TFPI: variants seen among roughly 807,000 people sequenced by gnomAD.
The protein encoded by TFPI is tissue factor pathway inhibitor, also known as anti-convertin.
A neutral mutation model predicts 34.6 loss-of-function variants in TFPI; 15 were observed. The observed-to-expected ratio is 0.43, with a 90% CI of 0.29 to 0.67. TFPI has a LOEUF of 0.67. Ranked by LOEUF, TFPI falls within the 30% of genes least tolerant of loss-of-function variation. The probability of loss-of-function intolerance (pLI) is 0.15; values close to 1 mark genes in which losing one functional copy is unlikely to be tolerated. For missense variants in TFPI, 301 were observed against 364.0 expected, an observed-to-expected ratio of 0.83 and a Z score of 1.41; for synonymous variants, 105 against 120.1, an observed-to-expected ratio of 0.87 and a Z score of 0.82.
intron 1 of TFPI, among the ~76,000 whole-genome samples, chr2:187,537,664 G>A (rs1474837613): frequency 1.3e-5 from 2 of 152,168 alleles, no homozygotes; most frequent in African/African-American, 4.8e-5. Flanking sequence ...ATACCATTCA[G>A]GACATAGGCA....
intron 1 of TFPI, among the ~76,000 whole-genome samples, chr2:187,525,282 A>G (rs867072851): frequency 1.7e-4 from 26 of 152,134 alleles, no homozygotes; most frequent in African/African-American, 6.3e-4. Context: ...TAACTCTGTG[A>G]GTCCAGAATT....
In TFPI at chr2:187,466,942, A is replaced by AT; in HGVS notation, c.908dup (p.Asn303LysfsTer7). On this transcript the variant is annotated frameshift_variant, in exon 8 of 8. Transcript: ENST00000233156. LOFTEE classifies it high-confidence loss of function. ...TTACATTGCTATAACAAATTCACATATTTTTAACAAAAATTTCTTCATATG... is the reference window on the plus strand; with the variant it reads ...TTACATTGCTATAACAAATTCACATATTTTTTAACAAAAATTTCTTCATATG... 6.6e-7 allele frequency: 1 copy of AT among 1,523,862 alleles called. No homozygotes were observed. Among genetic ancestry groups the AT allele is most frequent in the African/African-American group, 1.4e-5 (1 of 72,674 alleles). 94.4% of individuals were successfully genotyped at this position (1,523,862 alleles called of 1,614,324 possible). A position where few individuals can be genotyped will look rare whatever the true frequency, so the allele number is the denominator to read the frequency against.
At chr2:187,529,046 A>G (rs992482997) in intron 1 of TFPI, among the ~76,000 whole-genome samples, 2 of 152,208 alleles carry the variant, frequency 1.3e-5, no homozygotes, top group African/African-American at 4.8e-5. Context: ...AACACTGAAC[A>G]TACAATATTA....
chr2:187,471,526 T>C (rs1018914173), intron 6 of TFPI, among the ~76,000 whole-genome samples: 1 of 152,142 alleles, frequency 6.6e-6, no homozygotes, highest in Non-Finnish European at 1.5e-5. Flanking sequence ...AAAAAGACAC[T>C]AACCTGACTT....
intron 1 of TFPI, among the ~76,000 whole-genome samples, chr2:187,506,704 T>C (rs1686242305): frequency 6.6e-6 from 1 of 152,110 alleles, no homozygotes; most frequent in Non-Finnish European, 1.5e-5. Flanking sequence ...TCTGATGTTT[T>C]TACTCATAAT....
intron 6 of TFPI, among the ~76,000 whole-genome samples, chr2:187,469,406 T>C (rs1437830261): frequency 3.9e-5 from 6 of 152,118 alleles, no homozygotes; most frequent in Non-Finnish European, 7.4e-5. Flanking sequence ...GAAAACATCG[T>C]TTTAAATCAT....
chr2:187,550,887 G>C lies in TFPI; in HGVS notation c.-3+3313C>G, dbSNP rs138851884. Among the ~76,000 whole-genome samples, 258 of 152,190 alleles carry C rather than the reference G, an allele frequency of 1.7e-3. 2 individuals carry two copies. The highest frequency in any genetic ancestry group is 6.0e-3 in the African/African-American group (249 of 41,532). ...TTTTAAGCCTTGGGAAATGAGGAAT[G>C]AGGAATGAAGTGATGCTTACAGATG... On this transcript the variant is annotated intron_variant, in intron 1 of 7. Transcript: ENST00000233156.
intron 2 of TFPI, among the ~76,000 whole-genome samples, chr2:187,500,060 T>C (rs1685749534): frequency 6.6e-6 from 1 of 152,184 alleles, no homozygotes; most frequent in Non-Finnish European, 1.5e-5. Flanking sequence ...TCAAGCTAAA[T>C]CTTTTTTCCA....
chr2:187,480,412 TC>T (rs1309260954), intron 6 of TFPI, among the ~76,000 whole-genome samples: 1 of 152,108 alleles, frequency 6.6e-6, no homozygotes, highest in Non-Finnish European at 1.5e-5. Context: ...ACACAACCTA[TC>T]AACTTAGTAC....
chr2:187,478,874 G>T, intron 6 of TFPI: 1 of 1,287,078 alleles, frequency 7.8e-7, no homozygotes. Context: ...GGTCAATGCT[G>T]AGGGTGGGGG....
At chr2:187,547,480 G>T (rs1326020212) in intron 1 of TFPI, 1 of 152,110 alleles carries the variant, frequency 6.6e-6, no homozygotes, top group Non-Finnish European at 1.5e-5. Context: ...AAGTATCTGG[G>T]AGGGGTCTGA....
chr2:187,470,158 A>C (rs899879700), intron 6 of TFPI, among the ~76,000 whole-genome samples: 2 of 152,196 alleles, frequency 1.3e-5, no homozygotes, highest in South Asian at 4.1e-4. Flanking sequence ...TGACTTATAC[A>C]TCAATTTCAC....
At chr2:187,477,810 A>G (rs1178693223) in intron 6 of TFPI, among the ~76,000 whole-genome samples, 2 of 152,134 alleles carry the variant, frequency 1.3e-5, no homozygotes, top group Non-Finnish European at 1.5e-5. Flanking sequence ...TATTTTTTCC[A>G]CATAAATGGA....
At chr2:187,488,450 CAAG>C (rs1693452572) in intron 3 of TFPI, 75 bp from the exon 4 acceptor site, 4 of 925,918 alleles carry the variant, frequency 4.3e-6, no homozygotes, top group Non-Finnish European at 6.3e-6. Context: ...ATTTAACAAA[CAAG>C]AGTGACATAT....
At chr2:187,528,296 G>T (rs1237956306) in intron 1 of TFPI, among the ~76,000 whole-genome samples, 1 of 152,076 alleles carries the variant, frequency 6.6e-6, no homozygotes, top group Non-Finnish European at 1.5e-5. Context: ...GTCAAACCCT[G>T]AATGAATGGA....
chr2:187,525,003 T>C (rs1473197822), intron 1 of TFPI, among the ~76,000 whole-genome samples: 1 of 151,430 alleles, frequency 6.6e-6, no homozygotes, highest in Non-Finnish European at 1.5e-5. Flanking sequence ...TTCTTTATAA[T>C]ATTAATATTT....
At chr2:187,481,579 C>A (rs947054666) in intron 6 of TFPI, among the ~76,000 whole-genome samples, 1 of 149,044 alleles carries the variant, frequency 6.7e-6, no homozygotes, top group Admixed American at 6.7e-5. Context: ...CTTATGCCAT[C>A]CTTAATATCA....
rs554858342 is a variant in TFPI at position 187,478,794 on chromosome 2, T to C, written c.628+5330A>G. Reference sequence around the variant, plus strand: ...ATTCTTCCAACCATCATTTGTTCCTTCTTTTGTAACTGTGGATCACAAAAT... The same window carrying C: ...ATTCTTCCAACCATCATTTGTTCCTCCTTTTGTAACTGTGGATCACAAAAT... On this transcript the variant is annotated intron_variant, in intron 6 of 7. Transcript: ENST00000233156. 2.9e-5 allele frequency: 47 copies of C among 1,612,868 alleles called. No homozygotes were observed. In the South Asian group the frequency reaches 3.6e-4, roughly 12 times the overall value.
intron 6 of TFPI, among the ~76,000 whole-genome samples, chr2:187,473,021 A>G (rs1447456085): frequency 1.3e-5 from 2 of 152,180 alleles, no homozygotes; most frequent in African/African-American, 4.8e-5. Context: ...TCGAAAAAAA[A>G]AGAAAGAAAA....
Sources: allele counts gnomAD v4.1 joint callset (sites outside exome capture counted in the v4.1 genomes callset), GRCh38; gene constraint gnomAD v4.1.1; transcripts MANE v1.5; gene names NCBI Gene and HGNC (gene_info 2026-07-23, HGNC 2026-07-21).